The following MECOM variants were observed in gnomAD, a reference collection of about 807,000 sequenced individuals.
The protein encoded by MECOM is MDS1 and EVI1 complex locus.
Under a neutral mutation model 116.3 loss-of-function variants are expected in MECOM, and 13 were observed. The observed-to-expected ratio is 0.11, with a 90% confidence interval of 0.07 to 0.18. The LOEUF (loss-of-function observed/expected upper bound fraction) is 0.18. Among genes scored for constraint, MECOM ranks in the 10% least tolerant of loss-of-function variants. MECOM has a pLI of 1.00. For missense variants in MECOM, 1,299 were observed against 1,509.0 expected (o/e 0.86, Z 2.31); for synonymous variants, 528 against 535.2 (o/e 0.99, Z 0.19).
At chr3:169,603,527 T>C (rs1354990796) in intron 1 of MECOM, among the ~76,000 whole-genome samples, 1 of 152,222 alleles carries the variant, frequency 6.6e-6, no homozygotes, top group African/African-American at 2.4e-5. Flanking sequence ...GCTTTCACAT[T>C]CACTCACCAT....
At chr3:169,353,736 T>G (rs1726781910) in intron 2 of MECOM, among the ~76,000 whole-genome samples, 1 of 151,870 alleles carries the variant, frequency 6.6e-6, no homozygotes, top group African/African-American at 2.4e-5. Context: ...TTTTAAGAAC[T>G]TGCATTTCCA....
chr3:169,625,576 A>G (rs1771267528), intron 1 of MECOM, among the ~76,000 whole-genome samples: 1 of 152,226 alleles, frequency 6.6e-6, no homozygotes, highest in South Asian at 2.1e-4. Flanking sequence ...AGAAATAGAA[A>G]CATAAATAAT....
chr3:169,171,625 T>C (rs1385120155), intron 2 of MECOM, among the ~76,000 whole-genome samples: 1 of 152,132 alleles, frequency 6.6e-6, no homozygotes, highest in South Asian at 2.1e-4. Context: ...TAAATAATTA[T>C]TGGAATAAAT....
chr3:169,466,637 T>C (rs1425985386), intron 1 of MECOM, among the ~76,000 whole-genome samples: 2 of 152,142 alleles, frequency 1.3e-5, no homozygotes, highest in East Asian at 3.9e-4. Flanking sequence ...CTCTTTCACT[T>C]CGGCCTCTTT....
intron 1 of MECOM, among the ~76,000 whole-genome samples, chr3:169,657,663 T>A (rs1032370444): frequency 1.3e-5 from 2 of 152,208 alleles, no homozygotes; most frequent in African/African-American, 4.8e-5. Context: ...CCATTAGTTA[T>A]ACCCACAGCA....
chr3:169,199,198 T>C (rs1469334828), intron 2 of MECOM, among the ~76,000 whole-genome samples: 3 of 152,102 alleles, frequency 2.0e-5, no homozygotes, highest in Admixed American at 2.0e-4. Flanking sequence ...AGACTTATCC[T>C]ACATTAAGTA....
intron 2 of MECOM, among the ~76,000 whole-genome samples, chr3:169,266,391 G>A (rs1758307913): frequency 6.6e-6 from 1 of 152,194 alleles, no homozygotes; most frequent in Admixed American, 6.5e-5. Context: ...AATTTCAAGT[G>A]TTTGAAAATG....
At chr3:169,388,240 A>AT (rs1356598534) in intron 1 of MECOM, among the ~76,000 whole-genome samples, 36 of 152,144 alleles carry the variant, frequency 2.4e-4, no homozygotes, top group African/African-American at 8.2e-4. Flanking sequence ...TCCTTACAAA[A>AT]TTAAAACTGG....
At chr3:169,406,696 A>G (rs529785203) in intron 1 of MECOM, among the ~76,000 whole-genome samples, 1 of 152,150 alleles carries the variant, frequency 6.6e-6, no homozygotes, top group Admixed American at 6.5e-5. Context: ...CTGCATAAAT[A>G]GGTAACAGTC....
At chr3:169,482,272 T>C (rs563746410) in intron 1 of MECOM, among the ~76,000 whole-genome samples, 7 of 151,908 alleles carry the variant, frequency 4.6e-5, no homozygotes, top group African/African-American at 9.6e-5. Context: ...GCCTGTGTCA[T>C]TCACCATGGG....
intron 1 of MECOM, among the ~76,000 whole-genome samples, chr3:169,428,501 G>A (rs948019621): frequency 3.9e-5 from 6 of 152,152 alleles, no homozygotes; most frequent in South Asian, 2.1e-4. Context: ...TCTGCTATGC[G>A]GCCCAGTTCC....
intron 1 of MECOM, among the ~76,000 whole-genome samples, chr3:169,657,597 A>G (rs952961065): frequency 6.6e-6 from 1 of 152,216 alleles, no homozygotes; most frequent in African/African-American, 2.4e-5. Context: ...AGAGGGACCC[A>G]TTGGACAAGG....
At chr3:169,219,322 T>A (rs762248017) in intron 2 of MECOM, among the ~76,000 whole-genome samples, 2 of 151,968 alleles carry the variant, frequency 1.3e-5, no homozygotes, top group Non-Finnish European at 1.5e-5. Context: ...CTGGCTAACA[T>A]GGTGAAACCG....
chr3:169,296,438 C>A (rs1451057166), intron 2 of MECOM, among the ~76,000 whole-genome samples: 1 of 152,158 alleles, frequency 6.6e-6, no homozygotes, highest in Non-Finnish European at 1.5e-5. Context: ...TAAACTTGCT[C>A]TGTAAGAAGC....
intron 1 of MECOM, among the ~76,000 whole-genome samples, chr3:169,419,272 G>A (rs564641627): frequency 2.2e-4 from 33 of 152,070 alleles, no homozygotes; most frequent in South Asian, 1.2e-3. Context: ...AAAATATTCC[G>A]TGCTCATGGA....
chr3:169,227,307 CAG>C (rs573837630), intron 2 of MECOM, among the ~76,000 whole-genome samples: 3 of 151,228 alleles, frequency 2.0e-5, no homozygotes, highest in Admixed American at 6.6e-5. Context: ...AAAATATACC[CAG>C]AGAGAGAGAG....
intron 2 of MECOM, among the ~76,000 whole-genome samples, chr3:169,318,209 G>C (rs1720113893): frequency 1.3e-5 from 2 of 152,128 alleles, no homozygotes; most frequent in South Asian, 4.1e-4. Context: ...ACACAGGGAT[G>C]GGCAAAGACT....
At chr3:169,237,641 C>T (rs900144655) in intron 2 of MECOM, among the ~76,000 whole-genome samples, 4 of 142,304 alleles carry the variant, frequency 2.8e-5, no homozygotes, top group East Asian at 2.0e-4. Flanking sequence ...AAAAATGTGG[C>T]ACTTACTGTT....
At chr3:169,292,474 C>T (rs1432294161) in intron 2 of MECOM, among the ~76,000 whole-genome samples, 1 of 152,122 alleles carries the variant, frequency 6.6e-6, no homozygotes, top group Non-Finnish European at 1.5e-5. Flanking sequence ...TTGTTTCAAC[C>T]CTGTGATATT....
Sources: gnomAD v4.1 joint callset for allele counts (sites outside exome capture counted in the v4.1 genomes callset) on GRCh38, gnomAD v4.1.1 for gene constraint, MANE v1.5 for transcripts, NCBI Gene and HGNC (gene_info 2026-07-23, HGNC 2026-07-21) for gene names.